Variants in C2orf72 observed in about 807,000 individuals in gnomAD.
The protein encoded by C2orf72 is uncharacterized protein C2orf72.
A neutral mutation model predicts 14.4 loss-of-function variants in C2orf72; 16 were observed. The observed-to-expected ratio is 1.11, with a 90% confidence interval of 0.75 to 1.69. The LOEUF is 1.69. Ranked by LOEUF, C2orf72 falls within the 40% of genes most tolerant of loss-of-function variation. C2orf72 has a pLI of 0.00. For missense variants in C2orf72, 371 were observed against 358.3 expected (o/e 1.04, Z -0.29); for synonymous variants, 168 against 176.8 (o/e 0.95, Z 0.40).
rs1693445334 is a variant in C2orf72 at position 231,048,335 on chromosome 2, C to T, written c.*1314C>T. 1 of 152,306 alleles carries T rather than the reference C, an allele frequency of 6.6e-6. No homozygotes were observed. The highest frequency in any genetic ancestry group is 2.4e-5 in the African/African-American group (1 of 41,476). 9.4% of individuals were successfully genotyped at this position (152,306 alleles called of 1,614,324 possible). On this transcript the variant is annotated 3_prime_UTR_variant, in exon 3 of 3. Transcript: ENST00000373640. The stretch of plus-strand genomic sequence containing the variant: ...ATGCACAGTTTACGCAGCAGACACA[C>T]AACTGCGCCTACTATTTGCTCGGTG...
At position 231,048,443 on chromosome 2, in the gene C2orf72, T is replaced by C. The variant is rs1194291367; in HGVS notation, c.*1422T>C. The C allele has an allele frequency of 6.6e-6, 1 of 152,602 alleles. No homozygotes were observed. Among genetic ancestry groups the C allele is most frequent in the African/African-American group, 2.4e-5 (1 of 41,480 alleles). 9.5% of individuals were successfully genotyped at this position (152,602 alleles called of 1,614,324 possible). A position where few individuals can be genotyped will look rare whatever the true frequency, so the allele number is the denominator to read the frequency against. Reference sequence around the variant, plus strand: ...CAAATGGTGCAATGGGAAACCTGTTTTGCTGGGGGGCTCTAGATCACTGGC... The same window carrying C: ...CAAATGGTGCAATGGGAAACCTGTTCTGCTGGGGGGCTCTAGATCACTGGC... On this transcript the variant is annotated 3_prime_UTR_variant, in exon 3 of 3. Transcript: ENST00000373640.
At chr2:231,045,185 A>T (rs1693399296) in intron 2 of C2orf72, among the ~76,000 whole-genome samples, 1 of 151,548 alleles carries the variant, frequency 6.6e-6, no homozygotes, top group Admixed American at 6.6e-5. Flanking sequence ...AACTGCTTGA[A>T]CCTGGGAGGC....
Position 231,038,129 on chromosome 2 carries a change from C to T in C2orf72, c.564C>T (p.Leu188=), listed in dbSNP as rs1693285732. The change falls in exon 1 of 3, where the codon CTC becomes CTT. Residue 188 remains leucine, a synonymous_variant. Transcript: ENST00000373640. ...AGGCGGCCGCCTACTGCCCCGGCCT[C>T]CCGGCCTCCTGCCTGGCCGTCCAGG... The part of the protein sequence containing the change: ...PVQAAAYCPG[L]PASCLAVQAA... 8.5e-7 allele frequency: 1 copy of T among 1,178,986 alleles called. No homozygotes were observed. Among genetic ancestry groups the T allele is most frequent in the South Asian group, 4.2e-5 (1 of 23,896 alleles). The allele number at this position is 1,178,986 out of a possible 1,614,324, so 73.0% of individuals were successfully genotyped here.
intron 2 of C2orf72, among the ~76,000 whole-genome samples, chr2:231,045,241 G>C (rs2125138473): frequency 6.6e-6 from 1 of 151,630 alleles, no homozygotes; most frequent in Non-Finnish European, 1.5e-5. Flanking sequence ...TCCAGCCTGG[G>C]CAACAGAGCA....
rs1300298774 is a variant in C2orf72 at position 231,047,055 on chromosome 2, C to A, written c.*34C>A. 1.3e-6 allele frequency: 2 copies of A among 1,551,394 alleles called. No homozygotes were observed. Among genetic ancestry groups the A allele is most frequent in the African/African-American group, 1.4e-5 (1 of 73,146 alleles). On this transcript the variant is annotated 3_prime_UTR_variant, in exon 3 of 3. Transcript: ENST00000373640. Reference sequence around the variant, plus strand: ...CCCTTGCGCTGTCCCTGGCTCTAACCTACAGACTGGGGCCTGGCTCCGTCT... The same window carrying A: ...CCCTTGCGCTGTCCCTGGCTCTAACATACAGACTGGGGCCTGGCTCCGTCT...
At chr2:231,038,404 C>T (rs946528240) in intron 1 of C2orf72, among the ~76,000 whole-genome samples, 11 of 151,944 alleles carry the variant, frequency 7.2e-5, no homozygotes, top group Non-Finnish European at 1.2e-4. Context: ...GTCCGGAGTG[C>T]ACGGGAGATG....
chr2:231,041,323 TC>T lies in C2orf72; in HGVS notation c.666del (p.Gly223AspfsTer3). On this transcript the variant is annotated frameshift_variant, in exon 2 of 3. Transcript: ENST00000373640. LOFTEE classifies it high-confidence loss of function. Reference sequence around the variant, plus strand: ...GAAGGAGCCTGGGAGAGGCCAGGCCTCCCCGGACTGCTAGCCTGCTTTTCCT... The same window carrying T: ...GAAGGAGCCTGGGAGAGGCCAGGCCTCCCGGACTGCTAGCCTGCTTTTCCT... ...PVEGAWERPG[L>X]PGLLACFSWG... The T allele has an allele frequency of 6.4e-7, 1 of 1,551,468 alleles. No individual in the cohort carries two copies. The highest frequency in any genetic ancestry group is 8.7e-7 in the Non-Finnish European group (1 of 1,146,888).
chr2:231,048,932 A>G lies in C2orf72; in HGVS notation c.*1911A>G, dbSNP rs1363824583. ...TCATCTTATTAAAGTTTTCTTATTT[A>G]GTGGGAGAGGGAGCTTTGTTTAAGT... On this transcript the variant is annotated 3_prime_UTR_variant, in exon 3 of 3. Transcript: ENST00000373640. 1 of 152,166 alleles carries G rather than the reference A, an allele frequency of 6.6e-6. No individual in the cohort carries two copies. The highest frequency in any genetic ancestry group is 2.4e-5 in the African/African-American group (1 of 41,442). 9.4% of individuals were successfully genotyped at this position (152,166 alleles called of 1,614,324 possible).
intron 2 of C2orf72, among the ~76,000 whole-genome samples, chr2:231,045,813 C>T (rs575452002): frequency 2.6e-5 from 4 of 152,246 alleles, no homozygotes; most frequent in Non-Finnish European, 4.4e-5. Context: ...CCACGGCGCC[C>T]GGCCAGCTGT....
In C2orf72 at chr2:231,037,793, C is replaced by G; in HGVS notation, c.228C>G (p.Pro76=). 2 of 982,064 alleles carry G rather than the reference C, an allele frequency of 2.0e-6. No individual in the cohort carries two copies. Among genetic ancestry groups the G allele is most frequent in the Non-Finnish European group, 2.4e-6 (2 of 829,328 alleles). The allele number at this position is 982,064 out of a possible 1,614,324, so 60.8% of individuals were successfully genotyped here. Residue 76 remains proline (P), a synonymous_variant, in exon 1 of 3, where the codon CCC becomes CCG. Transcript: ENST00000373640. ...PGGAAAEGAG[P]GAARGAQRAA... ...GCGCGGCGGCAGAGGGCGCGGGGCC[C>G]GGGGCGGCGCGCGGGGCGCAGAGGG...
At position 231,049,586 on chromosome 2, in the gene C2orf72, C is replaced by T. The variant is rs552192773; in HGVS notation, c.*2565C>T. ...GAGCCATCGGCGAGAGGCCTCCAGC[C>T]GGGTGACAGTCTGGGCTCTCGGGTA... On this transcript the variant is annotated 3_prime_UTR_variant, in exon 3 of 3. Coordinates refer to ENST00000373640, the MANE Select transcript of C2orf72 (RefSeq NM_001144994.2). 5 of 152,356 alleles carry T rather than the reference C, an allele frequency of 3.3e-5. No individual in the cohort carries two copies. Among genetic ancestry groups the T allele is most frequent in the African/African-American group, 7.2e-5 (3 of 41,556 alleles). The allele number at this position is 152,356 out of a possible 1,614,324, so 9.4% of individuals were successfully genotyped here. A position where few individuals can be genotyped will look rare whatever the true frequency, so the allele number is the denominator to read the frequency against.
At chr2:231,041,678 G>A (rs1423229219) in intron 2 of C2orf72, among the ~76,000 whole-genome samples, 1 of 152,104 alleles carries the variant, frequency 6.6e-6, no homozygotes. Flanking sequence ...CAGGAGCATG[G>A]TGGGGTGCAT....
chr2:231,037,650 G>A lies in C2orf72; in HGVS notation c.85G>A (p.Gly29Ser). 1 of 1,121,340 alleles carries A rather than the reference G, an allele frequency of 8.9e-7. No homozygotes were observed. The highest frequency in any genetic ancestry group is 1.1e-6 in the Non-Finnish European group (1 of 913,580). The allele number at this position is 1,121,340 out of a possible 1,614,324, so 69.5% of individuals were successfully genotyped here. A position where few individuals can be genotyped will look rare whatever the true frequency, so the allele number is the denominator to read the frequency against. Residue 29 changes from glycine (G) to serine (S), a missense_variant, in exon 1 of 3, where the codon GGC (glycine) becomes AGC (serine). This residue lies in a region of C2orf72 where 214 missense variants were observed against 178.7 expected (regional missense o/e 1.20). Transcript: ENST00000373640. ...CCAGGCGTTGGTGGAAGCGGCGGGG[G>A]GCCGCGGGCAGGTGCTGCTGGTGGG... ...PFQALVEAAG[G>S]RGQVLLVGEL...
chr2:231,037,696 AG>A lies in C2orf72; in HGVS notation c.132del (p.Ser45AlafsTer181), dbSNP rs1693271288. The A allele has an allele frequency of 9.5e-7, 1 of 1,054,080 alleles. No individual in the cohort carries two copies. The highest frequency in any genetic ancestry group is 8.0e-5 in the East Asian group (1 of 12,506). The allele number at this position is 1,054,080 out of a possible 1,614,324, so 65.3% of individuals were successfully genotyped here. A position where few individuals can be genotyped will look rare whatever the true frequency, so the allele number is the denominator to read the frequency against. ...LLVGELWERE[Q>X]SRALLRDFAR... ...GTGGGCGAGCTGTGGGAGCGCGAAC[AG>A]AGCCGCGCGCTGCTGCGGGACTTCG... On this transcript the variant is annotated frameshift_variant, in exon 1 of 3. Transcript: ENST00000373640. LOFTEE classifies it high-confidence loss of function.
intron 2 of C2orf72, among the ~76,000 whole-genome samples, chr2:231,043,005 A>AAAATAAAT (rs951739910): frequency 6.6e-6 from 1 of 152,346 alleles, no homozygotes; most frequent in African/African-American, 2.4e-5. Context: ...ACTCCGTCTC[A>AAAATAAAT]AAATAAATAA....
In C2orf72 at chr2:231,047,310, G is replaced by A. The variant is rs1240073967; in HGVS notation, c.*289G>A. On this transcript the variant is annotated 3_prime_UTR_variant, in exon 3 of 3. Transcript: ENST00000373640. ...GAGCCACTGAGACAGATGGCTGTCC[G>A]CTTTGAGGCTCTGCAGAGCTGTGGC... The A allele has an allele frequency of 2.3e-5, 11 of 474,728 alleles. No homozygotes were observed. Among genetic ancestry groups the A allele is most frequent in the Middle Eastern group, 4.0e-4 (1 of 2,496 alleles). The allele number at this position is 474,728 out of a possible 1,614,324, so 29.4% of individuals were successfully genotyped here.
intron 2 of C2orf72, among the ~76,000 whole-genome samples, chr2:231,043,545 T>C (rs994234405): frequency 2.6e-5 from 4 of 152,246 alleles, no homozygotes; most frequent in Non-Finnish European, 5.9e-5. Context: ...CTCACTTCTA[T>C]ATCATCTTCA....
At chr2:231,042,033 T>C (rs899038037) in intron 2 of C2orf72, among the ~76,000 whole-genome samples, 6 of 151,954 alleles carry the variant, frequency 3.9e-5, no homozygotes, top group African/African-American at 1.5e-4. Context: ...AGATGGACTC[T>C]AGGAGAGGGA....
At chr2:231,038,230 G>A (rs1159590056) in intron 1 of C2orf72, 31 bp downstream of exon 1, 10 of 1,178,548 alleles carry the variant, frequency 8.5e-6, no homozygotes, top group Non-Finnish European at 9.4e-6. Context: ...GCTGGGCGCG[G>A]GCGGGCGGTG....
Sources: gnomAD v4.1 joint callset for allele counts (sites outside exome capture counted in the v4.1 genomes callset) on GRCh38, gnomAD v4.1.1 for gene constraint, gnomAD v4.1.1 regional missense constraint, MANE v1.5 for transcripts, NCBI Gene and HGNC (gene_info 2026-07-23, HGNC 2026-07-21) for gene names.